The following FAM174B variants were observed in gnomAD, a reference collection of about 807,000 sequenced individuals.
The protein encoded by FAM174B is membrane protein FAM174B.
In FAM174B, 12 loss-of-function variants were observed where a neutral mutation model predicts 10.9. The observed-to-expected ratio is 1.10, with a 90% CI of 0.71 to 1.79. The LOEUF is 1.79. FAM174B is among the 40% of genes most tolerant of loss of function. The pLI, the probability that FAM174B is intolerant of heterozygous loss-of-function variation, is 0.00. For synonymous variants in FAM174B, 132 were observed against 115.8 expected (o/e 1.14, Z -0.90); for missense variants, 266 against 233.3 (o/e 1.14, Z -0.91).
At chr15:92,621,149 G>A (rs963717426) in intron 2 of FAM174B, among the ~76,000 whole-genome samples, 2 of 152,138 alleles carry the variant, frequency 1.3e-5, no homozygotes, top group Admixed American at 1.3e-4. Flanking sequence ...TAATGGTTTA[G>A]TAAAAACCAT....
chr15:92,655,688 A>G lies in FAM174B; in HGVS notation c.-29T>C. Reference sequence around the variant, plus strand: ...GCGGTGGGTCGGCACAGGATCGGGCAGGGCGCGCGCGGCTGAGCTCCAGGA... The same window carrying G: ...GCGGTGGGTCGGCACAGGATCGGGCGGGGCGCGCGCGGCTGAGCTCCAGGA... On this transcript the variant is annotated 5_prime_UTR_variant, in exon 1 of 3. Coordinates refer to ENST00000327355, the MANE Select transcript of FAM174B (RefSeq NM_207446.3). The G allele has an allele frequency of 8.1e-7, 1 of 1,236,288 alleles. No individual in the cohort carries two copies. Among genetic ancestry groups the G allele is most frequent in the South Asian group, 3.7e-5 (1 of 27,046 alleles). 76.6% of individuals were successfully genotyped at this position (1,236,288 alleles called of 1,614,324 possible).
rs1491461435 is a variant in FAM174B at position 92,631,166 on chromosome 15, A to ATT, written c.345-822_345-821insAA. Among the ~76,000 whole-genome samples, 7 of 17,838 alleles carry ATT rather than the reference A, an allele frequency of 3.9e-4. 1 individual carries two copies. Among genetic ancestry groups the ATT allele is most frequent in the Non-Finnish European group, 5.0e-4 (3 of 6,056 alleles). The allele number at this position is 17,838 out of a possible 152,430, so 11.7% of individuals were successfully genotyped here. ...TTACATATTATATTATATATTATAT[A>ATT]ATAATTTATATATTATATTATATAT... is the stretch of plus-strand genomic sequence containing the variant. On this transcript the variant is annotated intron_variant, in intron 1 of 2. Coordinates refer to ENST00000327355, the MANE Select transcript of FAM174B (RefSeq NM_207446.3).
intron 1 of FAM174B, 25 bp downstream of exon 1, chr15:92,655,291 G>C: frequency 1.1e-5 from 16 of 1,517,412 alleles, no homozygotes; most frequent in Non-Finnish European, 1.4e-5. Context: ...GCCGGCGGGG[G>C]AAGGAAGAGG....
intron 1 of FAM174B, among the ~76,000 whole-genome samples, chr15:92,641,374 A>G (rs1299970329): frequency 6.6e-6 from 1 of 152,252 alleles, no homozygotes; most frequent in Admixed American, 6.5e-5. Context: ...AATTTGTCCT[A>G]CAGGTATGTT....
chr15:92,631,500 C>CT lies in FAM174B; in HGVS notation c.345-1156dup, dbSNP rs560489141. ...TAATATATTATATATATATATAATT[C>CT]TTTTTTTTTTTTAAGATGGAGTCTC... On this transcript the variant is annotated intron_variant, in intron 1 of 2. Transcript: ENST00000327355. Among the ~76,000 whole-genome samples, 279 of 70,398 alleles carry CT rather than the reference C, an allele frequency of 4.0e-3. 7 individuals are homozygous for CT. Among genetic ancestry groups the CT allele is most frequent in the African/African-American group, 0.013 (233 of 17,884 alleles). 46.2% of individuals were successfully genotyped at this position (70,398 alleles called of 152,430 possible).
At position 92,655,653 on chromosome 15, in the gene FAM174B, C is replaced by T. The variant is rs777532558; in HGVS notation, c.7G>A (p.Ala3Thr). 6.4e-6 allele frequency: 8 copies of T among 1,255,716 alleles called. No individual in the cohort carries two copies. Among genetic ancestry groups the T allele is most frequent in the African/African-American group, 4.7e-5 (3 of 64,438 alleles). The allele number at this position is 1,255,716 out of a possible 1,614,324, so 77.8% of individuals were successfully genotyped here. The part of the protein sequence containing the change: MR[A>T]VPLPAPLLPL... ...AGGAGCGGGGCGGGCAGCGGCACGGCGCGCATAGTGCGGTGGGTCGGCACA... is the reference window on the plus strand; with the variant it reads ...AGGAGCGGGGCGGGCAGCGGCACGGTGCGCATAGTGCGGTGGGTCGGCACA... The change falls in exon 1 of 3, where the codon GCC becomes ACC. Residue 3 changes from alanine to threonine, a missense_variant. Coordinates refer to ENST00000327355, the MANE Select transcript of FAM174B (RefSeq NM_207446.3).
chr15:92,645,974 T>C (rs2050924310), intron 1 of FAM174B, among the ~76,000 whole-genome samples: 1 of 152,080 alleles, frequency 6.6e-6, no homozygotes, highest in Non-Finnish European at 1.5e-5. Flanking sequence ...AGTCCTCTTC[T>C]TCCTCACCAA....
At chr15:92,621,969 T>C (rs2050722390) in intron 2 of FAM174B, among the ~76,000 whole-genome samples, 1 of 151,940 alleles carries the variant, frequency 6.6e-6, no homozygotes, top group Non-Finnish European at 1.5e-5. Flanking sequence ...AGAGGAGCAG[T>C]GAAGATTTTA....
intron 2 of FAM174B, among the ~76,000 whole-genome samples, chr15:92,626,246 C>T (rs531670682): frequency 6.6e-6 from 1 of 151,428 alleles, no homozygotes; most frequent in East Asian, 2.0e-4. Context: ...CTACAGGCGC[C>T]AGCCACCGTG....
chr15:92,630,427 G>T lies in FAM174B; in HGVS notation c.345-82C>A, dbSNP rs540025075. On this transcript the variant is annotated intron_variant, in intron 1 of 2. Transcript: ENST00000327355. Reference sequence around the variant, plus strand: ...GCCCCAAGCCCCAGAGGACCCGACAGCAACTTAGCAGCTGGTGTTTAGTCA... The same window carrying T: ...GCCCCAAGCCCCAGAGGACCCGACATCAACTTAGCAGCTGGTGTTTAGTCA... 8.3e-6 allele frequency: 11 copies of T among 1,320,630 alleles called. No individual in the cohort carries two copies. In the African/African-American group the frequency reaches 1.3e-4, roughly 16 times the overall value. 81.8% of individuals were successfully genotyped at this position (1,320,630 alleles called of 1,614,324 possible).
At chr15:92,653,930 G>T (rs1373973944) in intron 1 of FAM174B, among the ~76,000 whole-genome samples, 2 of 152,252 alleles carry the variant, frequency 1.3e-5, no homozygotes, top group African/African-American at 4.8e-5. Context: ...TGGCCACAGA[G>T]AGCTGCTAGA....
At chr15:92,629,930 T>C (rs1264591460) in intron 2 of FAM174B, among the ~76,000 whole-genome samples, 1 of 152,172 alleles carries the variant, frequency 6.6e-6, no homozygotes, top group East Asian at 1.9e-4. Flanking sequence ...AGATGTGACT[T>C]TGCTCCTCCT....
In FAM174B at chr15:92,617,631, G is replaced by A. The variant is rs1041173593; in HGVS notation, c.*1825C>T. 4.5e-6 allele frequency: 3 copies of A among 659,470 alleles called. No individual in the cohort carries two copies. The highest frequency in any genetic ancestry group is 8.1e-6 in the Non-Finnish European group (3 of 370,518). 40.9% of individuals were successfully genotyped at this position (659,470 alleles called of 1,614,324 possible). Reference sequence around the variant, plus strand: ...TTTTCCATGAGATTCAGCTGCAGTTGTCGAAAACCCTGTGTGAGCCAGCAG... The same window carrying A: ...TTTTCCATGAGATTCAGCTGCAGTTATCGAAAACCCTGTGTGAGCCAGCAG... On this transcript the variant is annotated 3_prime_UTR_variant, in exon 3 of 3. Transcript: ENST00000327355.
chr15:92,635,401 C>T lies in FAM174B; in HGVS notation c.345-5056G>A, dbSNP rs117741772. 4.2e-3 allele frequency among the ~76,000 whole-genome samples: 641 copies of T among 152,176 alleles called. 1 individual carries two copies. The highest frequency in any genetic ancestry group is 0.01 in the Middle Eastern group (3 of 294). On this transcript the variant is annotated intron_variant, in intron 1 of 2. Transcript: ENST00000327355. ...GCTGGGTGTGTTAATAGGGATAAAACTGAGACTGCTGAGAAGTTTAAAGAC... is the reference window on the plus strand; with the variant it reads ...GCTGGGTGTGTTAATAGGGATAAAATTGAGACTGCTGAGAAGTTTAAAGAC...
chr15:92,655,221 C>T, intron 1 of FAM174B, 95 bp downstream of exon 1: 2 of 1,432,846 alleles, frequency 1.4e-6, no homozygotes, highest in Non-Finnish European at 1.8e-6. Context: ...CACCAGGGCA[C>T]CTGTGCGTGC....
chr15:92,625,249 G>A (rs1165670201), intron 2 of FAM174B, among the ~76,000 whole-genome samples: 1 of 151,344 alleles, frequency 6.6e-6, no homozygotes, highest in Admixed American at 6.6e-5. Flanking sequence ...TGAAAACTTC[G>A]AGAAAAAAAA....
rs2050688444 is a variant in FAM174B, at chr15:92,617,707, C to CGT, written c.*1747_*1748dup. 3 of 680,006 alleles carry CGT rather than the reference C, an allele frequency of 4.4e-6. No homozygotes were observed. The South Asian group carries it at 4.6e-5, about 11-fold the overall frequency. The allele number at this position is 680,006 out of a possible 1,614,324, so 42.1% of individuals were successfully genotyped here. Reference sequence around the variant, plus strand: ...AACAGCTGCGAGGTGGCCAGGCTCCCGTGAGTCACCACTCAGGCCTGAGTA... The same window carrying CGT: ...AACAGCTGCGAGGTGGCCAGGCTCCCGTGTGAGTCACCACTCAGGCCTGAGTA... On this transcript the variant is annotated 3_prime_UTR_variant, in exon 3 of 3. Coordinates refer to ENST00000327355, the MANE Select transcript of FAM174B (RefSeq NM_207446.3).
chr15:92,640,644 T>G (rs533868269), intron 1 of FAM174B, among the ~76,000 whole-genome samples: 19 of 151,456 alleles, frequency 1.3e-4, no homozygotes, highest in South Asian at 2.1e-4. Flanking sequence ...TTGGTTTTTG[T>G]TTTTTGGTTT....
At chr15:92,648,114 T>C (rs1332889205) in intron 1 of FAM174B, among the ~76,000 whole-genome samples, 1 of 152,180 alleles carries the variant, frequency 6.6e-6, no homozygotes, top group Admixed American at 6.5e-5. Flanking sequence ...TGAACCAAAG[T>C]AAACCATCCA....
Sources: allele counts gnomAD v4.1 joint callset (sites outside exome capture counted in the v4.1 genomes callset), GRCh38; gene constraint gnomAD v4.1.1; transcripts MANE v1.5; gene names NCBI Gene and HGNC (gene_info 2026-07-23, HGNC 2026-07-21).